The following SULT1A1 variants were observed in gnomAD, a reference collection of about 807,000 sequenced individuals.
SULT1A1 encodes the protein sulfotransferase family 1A member 1, also known as sulfotransferase 1A1.
Under a neutral mutation model 36.8 loss-of-function variants are expected in SULT1A1, and 35 were observed. The ratio of observed to expected loss-of-function variants is 0.95; its 90% CI spans 0.73 to 1.26. The LOEUF (loss-of-function observed/expected upper bound fraction) is 1.26, where lower values mean the gene tolerates loss of function less well. SULT1A1 is among the 50% of genes most tolerant of loss of function. The pLI is 0.00. For synonymous variants in SULT1A1, 119 were observed against 146.0 expected (o/e 0.82, Z 1.33); for missense variants, 309 against 383.0 (o/e 0.81, Z 1.61).
intron 1 of SULT1A1, among the ~76,000 whole-genome samples, chr16:28,620,443 A>T (rs1369821627): frequency 6.6e-6 from 1 of 151,572 alleles, no homozygotes; most frequent in Non-Finnish European, 1.5e-5. Flanking sequence ...GTGTGTCTGT[A>T]GTCATAGTTA....
intron 1 of SULT1A1, chr16:28,620,183 T>C (rs2047623615): frequency 1.9e-6 from 3 of 1,547,940 alleles, no homozygotes; most frequent in Non-Finnish European, 2.7e-6. Context: ...TAGAGTACTG[T>C]ATAACAGTTC....
Position 28,605,503 on chromosome 16 carries a change from C to T in SULT1A1, c.*318G>A, listed in dbSNP as rs1041219845. ...AACAGGCTGGTCCCAAACTCCTGTC[C>T]TCCAGTGATCCTCTAGCCTCAACTT... On this transcript the variant is annotated 3_prime_UTR_variant, in exon 8 of 8. Transcript: ENST00000314752. The T allele has an allele frequency of 6.5e-6, 3 of 465,044 alleles. No homozygotes were observed. The highest frequency in any genetic ancestry group is 1.2e-5 in the Non-Finnish European group (3 of 255,614). 28.8% of individuals were successfully genotyped at this position (465,044 alleles called of 1,614,324 possible). A position where few individuals can be genotyped will look rare whatever the true frequency, so the allele number is the denominator to read the frequency against.
rs1331823406 is a variant in SULT1A1, at chr16:28,605,573, A to G, written c.*248T>C. 6.0e-6 allele frequency: 4 copies of G among 668,218 alleles called. No individual in the cohort carries two copies. Among genetic ancestry groups the G allele is most frequent in the African/African-American group, 5.2e-5 (3 of 57,322 alleles). 41.4% of individuals were successfully genotyped at this position (668,218 alleles called of 1,614,324 possible). ...AGGCATGAGCCACTCTGCCTGGCCC[A>G]CAATCATATTTTATTCTCTTTTTAA... On this transcript the variant is annotated 3_prime_UTR_variant, in exon 8 of 8. Transcript: ENST00000314752.
chr16:28,614,696 C>G, upstream of SULT1A1: 5 of 131,336 alleles, frequency 3.8e-5, 1 homozygote, highest in South Asian at 1.0e-3. Flanking sequence ...GTTGGGTTTA[C>G]AGGCTTGAGC....
chr16:28,622,537 G>A (rs1246221223), intron 1 of SULT1A1, among the ~76,000 whole-genome samples: 1 of 152,150 alleles, frequency 6.6e-6, no homozygotes, highest in African/African-American at 2.4e-5. Flanking sequence ...ACCAAAGCAG[G>A]ACTAGGCCCC....
chr16:28,608,596 G>C lies in SULT1A1; in HGVS notation c.156C>G (p.Thr52=), dbSNP rs768027518. Residue 52 remains threonine (T), a synonymous_variant, in exon 3 of 8, where the codon ACC becomes ACG. Transcript: ENST00000314752. ...LISTYPKSGT[T]WVSQILDMIY... is the part of the protein sequence containing the mutation. ...TCATGTCCAGAATCTGGCTTACCCA[G>C]GTAGTGCCTGGAGAGGGAGGGAGAT... is the stretch of plus-strand genomic sequence containing the variant. 1.2e-6 allele frequency: 2 copies of C among 1,612,178 alleles called. No homozygotes were observed. Among genetic ancestry groups the C allele is most frequent in the Non-Finnish European group, 1.7e-6 (2 of 1,178,438 alleles).
chr16:28,608,722 G>A lies in SULT1A1; in HGVS notation c.134C>T (p.Thr45Ile). The A allele has an allele frequency of 6.2e-7, 1 of 1,612,994 alleles. No individual in the cohort carries two copies. Among genetic ancestry groups the A allele is most frequent in the Non-Finnish European group, 8.5e-7 (1 of 1,179,310 alleles). The change falls in exon 2 of 8, where the codon ACC becomes ATC. Residue 45 changes from threonine to isoleucine, a missense_variant. Physicochemically the swap from Thr to Ile is moderately conservative, Grantham distance 89 (BLOSUM62 -1). Coordinates refer to ENST00000314752, the MANE Select transcript of SULT1A1 (RefSeq NM_001055.4). The part of the protein sequence containing the change: ...QARPDDLLIS[T>I]YPKSGTTWVS... ...TCCTCACTTACCGGACTTGGGGTAG[G>A]TGCTGATGAGCAGGTCATCAGGCCG...
chr16:28,610,086 G>C, upstream of SULT1A1: 3 of 1,284,928 alleles, frequency 2.3e-6, no homozygotes, highest in Non-Finnish European at 2.0e-6. Context: ...ATTTGCTTCC[G>C]GAAGGAAGGG....
chr16:28,615,974 G>A (rs1480325926), intron 2 of SULT1A1, among the ~76,000 whole-genome samples: 1 of 151,670 alleles, frequency 6.6e-6, no homozygotes, highest in Non-Finnish European at 1.5e-5. Flanking sequence ...CATGAAGGTG[G>A]ACTAGGAGTG....
intron 1 of SULT1A1, chr16:28,620,232 C>T (rs1473978692): frequency 9.0e-7 from 1 of 1,115,288 alleles, no homozygotes. Context: ...AAGTAACCAT[C>T]ACTATCATCC....
At chr16:28,619,734 T>TAAAAA (rs55829523) in intron 2 of SULT1A1, among the ~76,000 whole-genome samples, 4 of 135,726 alleles carry the variant, frequency 2.9e-5, no homozygotes, top group African/African-American at 5.6e-5. Flanking sequence ...AAAATTTTAT[T>TAAAAA]AAAAAATATA....
At chr16:28,607,343 C>T (rs1348768638) in intron 4 of SULT1A1, 8 of 571,944 alleles carry the variant, frequency 1.4e-5, no homozygotes, top group South Asian at 2.4e-5. Context: ...CTCCACCAGC[C>T]GTGATCCCAC....
At position 28,605,582 on chromosome 16, in the gene SULT1A1, T is replaced by A. The variant is rs1281788022; in HGVS notation, c.*239A>T. Reference sequence around the variant, plus strand: ...CCACTCTGCCTGGCCCACAATCATATTTTATTCTCTTTTTAAAAATTGGTT... The same window carrying A: ...CCACTCTGCCTGGCCCACAATCATAATTTATTCTCTTTTTAAAAATTGGTT... On this transcript the variant is annotated 3_prime_UTR_variant, in exon 8 of 8. Coordinates refer to ENST00000314752, the MANE Select transcript of SULT1A1 (RefSeq NM_001055.4). 4.2e-6 allele frequency: 3 copies of A among 706,174 alleles called. No homozygotes were observed. Among genetic ancestry groups the A allele is most frequent in the Non-Finnish European group, 6.8e-6 (3 of 438,090 alleles). 43.7% of individuals were successfully genotyped at this position (706,174 alleles called of 1,614,324 possible).
At chr16:28,623,332 G>C (rs1342042839) in exon 1 of SULT1A1, 76 of 1,512,826 alleles carry the variant, frequency 5.0e-5, no homozygotes, top group South Asian at 6.2e-5. Flanking sequence ...CCCTGCAGCC[G>C]TTGCTGCAGC....
At chr16:28,611,418 C>T (rs1240192688), upstream of SULT1A1, 1 of 152,176 alleles carries the variant, frequency 6.6e-6, no homozygotes, top group Non-Finnish European at 1.5e-5. Flanking sequence ...ATTGTATGAT[C>T]AGTAACATAT....
In SULT1A1 at chr16:28,605,923, C is replaced by A; in HGVS notation, c.786G>T (p.Gly262=). ...ISPFMRKGMA[G]DWKTTFTVAQ... is the part of the protein sequence containing the mutation. ...CCACGGTGAAGGTGGTCTTCCAGTC[C>A]CCAGCCATGCCTGGGGGAGGAAGGC... is the stretch of plus-strand genomic sequence containing the variant. The change falls in exon 8 of 8, where the codon GGG becomes GGT. Residue 262 remains glycine (G), a synonymous_variant. Coordinates refer to ENST00000314752, the MANE Select transcript of SULT1A1 (RefSeq NM_001055.4). 7 of 1,606,732 alleles carry A rather than the reference C, an allele frequency of 4.4e-6. No homozygotes were observed. Among genetic ancestry groups the A allele is most frequent in the Non-Finnish European group, 6.0e-6 (7 of 1,175,728 alleles).
intron 1 of SULT1A1, chr16:28,623,049 TCC>T: frequency 6.6e-7 from 1 of 1,509,066 alleles, no homozygotes; most frequent in Non-Finnish European, 8.9e-7. Context: ...GCGCCCTCCC[TCC>T]AGCCGCTTGA....
chr16:28,608,602 G>T lies in SULT1A1; in HGVS notation c.150C>A (p.Gly50=), dbSNP rs577995936. 14 of 1,612,000 alleles carry T rather than the reference G, an allele frequency of 8.7e-6. 2 individuals carry two copies. The highest frequency in any genetic ancestry group is 1.2e-5 in the Non-Finnish European group (14 of 1,178,292). ...CCAGAATCTGGCTTACCCAGGTAGT[G>T]CCTGGAGAGGGAGGGAGATGGGAGG... ...DLLISTYPKS[G]TTWVSQILDM... Residue 50 remains glycine, a splice_region_variant and synonymous_variant, in exon 3 of 8, where the codon GGC becomes GGA. Coordinates refer to ENST00000314752, the MANE Select transcript of SULT1A1 (RefSeq NM_001055.4).
At chr16:28,616,480 G>T (rs1010553329) in intron 2 of SULT1A1, among the ~76,000 whole-genome samples, 5 of 152,050 alleles carry the variant, frequency 3.3e-5, no homozygotes, top group African/African-American at 4.8e-5. Context: ...TAGAGACTGG[G>T]TTTCACCATT....
Sources: gnomAD v4.1 joint callset for allele counts (sites outside exome capture counted in the v4.1 genomes callset) on GRCh38, gnomAD v4.1.1 for gene constraint, MANE v1.5 for transcripts, NCBI Gene and HGNC (gene_info 2026-07-23, HGNC 2026-07-21) for gene names.